PATJ: variants seen among roughly 807,000 people sequenced by gnomAD.
The protein encoded by PATJ is inaD-like protein.
A neutral mutation model predicts 224.9 loss-of-function variants in PATJ; 190 were observed. That is an observed-to-expected ratio of 0.84 (90% CI 0.75 to 0.95). The LOEUF (loss-of-function observed/expected upper bound fraction) is 0.95, where lower values mean the gene tolerates loss of function less well. Among genes scored for constraint, PATJ ranks in the 40% least tolerant of loss-of-function variants. PATJ has a pLI of 0.00. For missense variants in PATJ, 2,121 were observed against 2,270.3 expected, an observed-to-expected ratio of 0.93 and a Z score of 1.34; for synonymous variants, 769 against 820.3, an observed-to-expected ratio of 0.94 and a Z score of 1.07.
Position 62,128,896 on chromosome 1 carries a change from CG to C in PATJ, c.5224del (p.Asp1742MetfsTer6), listed in dbSNP as rs1558209493. The C allele has an allele frequency of 1.2e-6, 2 of 1,613,368 alleles. No individual in the cohort carries two copies. The highest frequency in any genetic ancestry group is 1.7e-6 in the Non-Finnish European group (2 of 1,179,502). On this transcript the variant is annotated frameshift_variant, in exon 41 of 44. Transcript: ENST00000642238. LOFTEE classifies it high-confidence loss of function. ...NGQPLDGLSH[A>X]DVVNLLKNAY... Reference sequence around the variant, plus strand: ...CAACCTTTGGATGGGCTGTCTCACGCGGATGTGGTTAATCTGCTGAAGAACG... The same window carrying C: ...CAACCTTTGGATGGGCTGTCTCACGCGATGTGGTTAATCTGCTGAAGAACG...
At chr1:61,755,388 A>G (rs1645582170) in intron 1 of PATJ, among the ~76,000 whole-genome samples, 1 of 151,890 alleles carries the variant, frequency 6.6e-6, no homozygotes. Flanking sequence ...TTTCTATTTT[A>G]TGTATGTTTT....
At chr1:61,871,500 T>TAC (rs1288152703) in intron 20 of PATJ, among the ~76,000 whole-genome samples, 2 of 39,022 alleles carry the variant, frequency 5.1e-5, no homozygotes, top group Non-Finnish European at 1.2e-4. Flanking sequence ...TATGTATATA[T>TAC]ACATATATAC....
intron 27 of PATJ, among the ~76,000 whole-genome samples, chr1:61,978,368 C>A (rs546285700): frequency 6.6e-6 from 1 of 151,752 alleles, no homozygotes; most frequent in Non-Finnish European, 1.5e-5. Flanking sequence ...TAGGTTCAAG[C>A]GATTCTTCTG....
At chr1:62,023,170 A>C (rs1323010601) in intron 29 of PATJ, among the ~76,000 whole-genome samples, 1 of 151,984 alleles carries the variant, frequency 6.6e-6, no homozygotes, top group African/African-American at 2.4e-5. Flanking sequence ...GGTGCCTGTA[A>C]TCCCAGGTAC....
intron 27 of PATJ, among the ~76,000 whole-genome samples, chr1:61,959,136 C>G (rs566498321): frequency 6.6e-6 from 1 of 152,000 alleles, no homozygotes; most frequent in South Asian, 2.1e-4. Context: ...CAGCACTGTT[C>G]CAAATCTATA....
chr1:61,991,172 T>C (rs982968522), intron 28 of PATJ, among the ~76,000 whole-genome samples: 1 of 150,704 alleles, frequency 6.6e-6, no homozygotes, highest in Non-Finnish European at 1.5e-5. Flanking sequence ...TACTACAAAA[T>C]AAGAAATGCA....
Position 62,140,372 on chromosome 1 carries a change from G to A in PATJ, c.5272-7912G>A, listed in dbSNP as rs540743375. ...TAGACTTTTTAAAAATTGATTTTTG[G>A]CCGAGCGTGGTGGCTCACGCCAGTA... On this transcript the variant is annotated intron_variant, in intron 41 of 43. Coordinates refer to ENST00000642238, the MANE Select transcript of PATJ (RefSeq NM_001350145.3). Among the ~76,000 whole-genome samples the A allele has an allele frequency of 2.9e-4, 44 of 152,224 alleles. No homozygotes were observed. In the South Asian group the frequency reaches 9.1e-3, roughly 32 times the overall value.
intron 29 of PATJ, among the ~76,000 whole-genome samples, chr1:62,024,470 C>G (rs1224213617): frequency 1.3e-5 from 2 of 152,076 alleles, no homozygotes; most frequent in Admixed American, 1.3e-4. Context: ...ATAATACCTG[C>G]ATATATTAGC....
chr1:61,866,124 C>A (rs1325579618), intron 20 of PATJ, among the ~76,000 whole-genome samples: 2 of 152,168 alleles, frequency 1.3e-5, no homozygotes, highest in African/African-American at 4.8e-5. Context: ...ATTTGCCAGT[C>A]CCTCTCATAT....
intron 43 of PATJ, among the ~76,000 whole-genome samples, chr1:62,157,734 G>A (rs1449656574): frequency 6.8e-6 from 1 of 146,906 alleles, no homozygotes; most frequent in Non-Finnish European, 1.5e-5. Flanking sequence ...AGGAGGCTGA[G>A]GCAGGAGAAA....
In PATJ at chr1:62,125,421, G is replaced by A. The variant is rs572999700; in HGVS notation, c.5043+2363G>A. On this transcript the variant is annotated intron_variant, in intron 39 of 43. Transcript: ENST00000642238. The stretch of plus-strand genomic sequence containing the variant: ...TGTAATGTCTTTAGCATAGCACCTA[G>A]TGCATCAGGAATGCCCAGGAAGTGG... 2.6e-5 allele frequency among the ~76,000 whole-genome samples: 4 copies of A among 152,130 alleles called. No homozygotes were observed. In the South Asian group the frequency reaches 8.3e-4, roughly 32 times the overall value.
chr1:61,827,488 C>T lies in PATJ; in HGVS notation c.1885C>T (p.Pro629Ser), dbSNP rs2148753684. The T allele has an allele frequency of 1.2e-6, 2 of 1,613,988 alleles. No individual in the cohort carries two copies. Among genetic ancestry groups the T allele is most frequent in the Non-Finnish European group, 1.7e-6 (2 of 1,179,970 alleles). Residue 629 changes from proline (P) to serine (S), a missense_variant, in exon 16 of 44, where the codon CCC becomes TCC. Coordinates refer to ENST00000642238, the MANE Select transcript of PATJ (RefSeq NM_001350145.3). ...EAVSFLKEVPPPFTLVCCRRL... is the reference protein window; with the variant it reads ...EAVSFLKEVPSPFTLVCCRRL... ...AGTCTCCTTTCTTAAAGAAGTGCCA[C>T]CCCCTTTTACTTTGGTTTGCTGTCG...
At chr1:62,081,099 C>G (rs1398236605) in intron 32 of PATJ, among the ~76,000 whole-genome samples, 1 of 152,152 alleles carries the variant, frequency 6.6e-6, no homozygotes, top group African/African-American at 2.4e-5. Flanking sequence ...CAGAGACAGT[C>G]TGGCCTGTAA....
chr1:62,002,335 C>T (rs1434110009), intron 28 of PATJ, among the ~76,000 whole-genome samples: 2 of 152,154 alleles, frequency 1.3e-5, no homozygotes, highest in Non-Finnish European at 2.9e-5. Context: ...ATGAGTTATA[C>T]TTTAAAAGCT....
intron 27 of PATJ, among the ~76,000 whole-genome samples, chr1:61,943,153 C>T (rs569287072): frequency 3.3e-5 from 5 of 152,258 alleles, no homozygotes; most frequent in Admixed American, 6.5e-5. Context: ...CCAAGATGGC[C>T]GAATAGGAAC....
chr1:62,089,495 A>G (rs1427209826), intron 33 of PATJ, among the ~76,000 whole-genome samples: 4 of 152,054 alleles, frequency 2.6e-5, no homozygotes, highest in African/African-American at 9.7e-5. Flanking sequence ...CTTTAAAATG[A>G]GGGATGGGAC....
At chr1:61,894,612 C>T (rs1670108898) in intron 22 of PATJ, among the ~76,000 whole-genome samples, 1 of 152,150 alleles carries the variant, frequency 6.6e-6, no homozygotes, top group African/African-American at 2.4e-5. Flanking sequence ...TTTTAAGTTT[C>T]CTGAGACCTC....
At chr1:61,900,401 G>C (rs1017213142) in intron 23 of PATJ, among the ~76,000 whole-genome samples, 1 of 152,016 alleles carries the variant, frequency 6.6e-6, no homozygotes, top group Non-Finnish European at 1.5e-5. Flanking sequence ...ATAATGACAC[G>C]GAGGTAGGAA....
intron 27 of PATJ, among the ~76,000 whole-genome samples, chr1:61,934,802 A>G (rs1051152166): frequency 7.0e-4 from 106 of 152,192 alleles, no homozygotes; most frequent in African/African-American, 2.4e-3. Flanking sequence ...TTAATGGCAG[A>G]GGGTATATGC....
Sources: gnomAD v4.1 joint callset for allele counts (sites outside exome capture counted in the v4.1 genomes callset) on GRCh38, gnomAD v4.1.1 for gene constraint, MANE v1.5 for transcripts, NCBI Gene and HGNC (gene_info 2026-07-23, HGNC 2026-07-21) for gene names.